PRKN: variants seen among roughly 807,000 people sequenced by gnomAD.
The protein encoded by PRKN is E3 ubiquitin-protein ligase parkin.
Under a neutral mutation model 59.5 loss-of-function variants are expected in PRKN, and 56 were observed. The ratio of observed to expected loss-of-function variants is 0.94; its 90% CI spans 0.76 to 1.18. The LOEUF (loss-of-function observed/expected upper bound fraction) is 1.18, where lower values mean the gene tolerates loss of function less well. Ranked by LOEUF, PRKN falls within the 50% of genes most tolerant of loss-of-function variation. The pLI is 0.00. For missense variants in PRKN, 657 were observed against 596.4 expected (o/e 1.10, Z -1.06); for synonymous variants, 250 against 222.1 (o/e 1.13, Z -1.12).
At chr6:161,433,035 C>A (rs896695709) in intron 9 of PRKN, among the ~76,000 whole-genome samples, 7 of 152,058 alleles carry the variant, frequency 4.6e-5, no homozygotes, top group Non-Finnish European at 8.8e-5. Context: ...AATACTTTTG[C>A]TTCTAATTCT....
chr6:162,271,369 T>C (rs1780384376), intron 2 of PRKN: 1 of 151,802 alleles, frequency 6.6e-6, no homozygotes, highest in Non-Finnish European at 1.5e-5. Flanking sequence ...GAAACCCGTG[T>C]CTACTAAAAA....
chr6:162,568,544 G>A, intron 1 of PRKN: 1 of 777,314 alleles, frequency 1.3e-6, no homozygotes, highest in East Asian at 2.5e-5. Context: ...ACCTGGAGGT[G>A]GACCCCAACA....
rs61368267 is a variant in PRKN, at chr6:162,271,016, G to GTTTT, written c.172-8255_172-8252dup. 2.5e-3 allele frequency among the ~76,000 whole-genome samples: 275 copies of GTTTT among 108,236 alleles called. 1 individual carries two copies. The highest frequency in any genetic ancestry group is 4.6e-3 in the African/African-American group (119 of 26,004). The allele number at this position is 108,236 out of a possible 152,430, so 71.0% of individuals were successfully genotyped here. A position where few individuals can be genotyped will look rare whatever the true frequency, so the allele number is the denominator to read the frequency against. On this transcript the variant is annotated intron_variant, in intron 2 of 11. Coordinates refer to ENST00000366898, the MANE Select transcript of PRKN (RefSeq NM_004562.3). ...GCCACTACACCTAGCTAATTTTCTA[G>GTTTT]TTTTTTTTTTTTTTTTTTTTTGTAG...
At chr6:161,824,558 T>C (rs1792163155) in intron 6 of PRKN, among the ~76,000 whole-genome samples, 1 of 152,318 alleles carries the variant, frequency 6.6e-6, no homozygotes, top group African/African-American at 2.4e-5. Flanking sequence ...GATCATGTCT[T>C]ACTGTATCGG....
At chr6:162,018,770 C>A (rs1783023249) in intron 5 of PRKN, among the ~76,000 whole-genome samples, 1 of 152,104 alleles carries the variant, frequency 6.6e-6, no homozygotes, top group Non-Finnish European at 1.5e-5. Flanking sequence ...AGCTCTCTAC[C>A]ATTAAATAAA....
rs370631500 is a variant in PRKN, at chr6:162,535,345, T to A, written c.8-91872A>T. Among the ~76,000 whole-genome samples the A allele has an allele frequency of 2.4e-4, 37 of 152,248 alleles. 1 individual carries two copies. The East Asian group carries it at 2.5e-3, about 10-fold the overall frequency. ...TTCAGATAACTTTTAGAGTCCCTGG[T>A]TCCTATTATAATACTTAATATTTTG... On this transcript the variant is annotated intron_variant, in intron 1 of 11. Transcript: ENST00000366898.
In PRKN at chr6:161,541,837, A is replaced by C. The variant is rs762085285; in HGVS notation, c.1083+7017T>G. ...CTCCGTCTCAAAAAGAAAAAAAAAA[A>C]ACAGTATAATTATTTCATATTTACC... On this transcript the variant is annotated intron_variant, in intron 9 of 11. Transcript: ENST00000366898. Among the ~76,000 whole-genome samples, 150 of 152,338 alleles carry C rather than the reference A, an allele frequency of 9.8e-4. 1 individual carries two copies. Among genetic ancestry groups the C allele is most frequent in the Admixed American group, 1.0e-3 (16 of 15,308 alleles).
At chr6:161,732,600 C>T (rs371051864) in intron 7 of PRKN, among the ~76,000 whole-genome samples, 1 of 151,972 alleles carries the variant, frequency 6.6e-6, no homozygotes. Context: ...CAAAGAAATA[C>T]CTACTCAAAA....
intron 6 of PRKN, among the ~76,000 whole-genome samples, chr6:161,909,891 G>C (rs763910339): frequency 2.6e-5 from 4 of 152,210 alleles, no homozygotes; most frequent in Non-Finnish European, 5.9e-5. Context: ...TAGTGCAATA[G>C]TGAAATAGTA....
At chr6:162,179,443 AGCCACCGGCAGCTGCTGTGTTTCCT>A (rs1783691840) in intron 4 of PRKN, among the ~76,000 whole-genome samples, 2 of 152,114 alleles carry the variant, frequency 1.3e-5, no homozygotes, top group Admixed American at 1.3e-4. Flanking sequence ...CTGACTGCAG[AGCCACCGGCAGCTGCTGTGTTTCCT>A]CATTTCCTCT....
At chr6:161,829,401 T>C (rs1337818185) in intron 6 of PRKN, among the ~76,000 whole-genome samples, 1 of 152,182 alleles carries the variant, frequency 6.6e-6, no homozygotes, top group Non-Finnish European at 1.5e-5. Context: ...GACAGTTTTG[T>C]TTTGTTTTTT....
chr6:161,776,575 A>G (rs77378936), intron 7 of PRKN, among the ~76,000 whole-genome samples: 5,932 of 152,244 alleles, frequency 0.039, 381 homozygotes, highest in African/African-American at 0.13. Context: ...TGCCCACCCC[A>G]GAGTAGTTCT....
At chr6:161,953,182 G>A (rs1780049889) in intron 6 of PRKN, among the ~76,000 whole-genome samples, 1 of 152,162 alleles carries the variant, frequency 6.6e-6, no homozygotes, top group South Asian at 2.1e-4. Flanking sequence ...TGTGATCTCA[G>A]CTCACTGCAA....
Position 162,069,611 on chromosome 6 carries a change from G to A in PRKN, c.535-15437C>T, listed in dbSNP as rs553771393. Among the ~76,000 whole-genome samples, 574 of 152,262 alleles carry A rather than the reference G, an allele frequency of 3.8e-3. 1 individual carries two copies. The highest frequency in any genetic ancestry group is 0.013 in the African/African-American group (543 of 41,552). On this transcript the variant is annotated intron_variant, in intron 4 of 11. Coordinates refer to ENST00000366898, the MANE Select transcript of PRKN (RefSeq NM_004562.3). ...CCCTATGATTTCTTAGAGCAAGAACGTATTATAGAAGCAGTTAACTAAAAG... is the reference window on the plus strand; with the variant it reads ...CCCTATGATTTCTTAGAGCAAGAACATATTATAGAAGCAGTTAACTAAAAG...
chr6:162,689,161 C>G lies in PRKN; in HGVS notation c.7+38501G>C, dbSNP rs548037178. 1.1e-4 allele frequency among the ~76,000 whole-genome samples: 17 copies of G among 152,316 alleles called. No homozygotes were observed. In the South Asian group the frequency reaches 3.5e-3, roughly 32 times the overall value. ...TCGTACAGAGCACACTGCTCTCATT[C>G]CTACAAGGGCTCTGCAACCCTGTGG... On this transcript the variant is annotated intron_variant, in intron 1 of 11. Transcript: ENST00000366898.
chr6:162,713,723 A>G (rs968572917), intron 1 of PRKN, among the ~76,000 whole-genome samples: 1 of 152,120 alleles, frequency 6.6e-6, no homozygotes, highest in Non-Finnish European at 1.5e-5. Flanking sequence ...TTTGTCTGTT[A>G]GCTATACTTA....
At chr6:161,789,447 T>C (rs73785411) in intron 6 of PRKN, among the ~76,000 whole-genome samples, 1,920 of 152,274 alleles carry the variant, frequency 0.013, 49 homozygotes, top group African/African-American at 0.043. Flanking sequence ...TTCTTCTAGT[T>C]CCTGTACACC....
At chr6:162,544,005 T>C (rs965191698) in intron 1 of PRKN, among the ~76,000 whole-genome samples, 2 of 152,192 alleles carry the variant, frequency 1.3e-5, no homozygotes, top group African/African-American at 4.8e-5. Flanking sequence ...TGCAGCTTAT[T>C]GCAATCATTT....
intron 5 of PRKN, among the ~76,000 whole-genome samples, chr6:162,011,926 T>C (rs1159659237): frequency 6.6e-6 from 1 of 151,870 alleles, no homozygotes; most frequent in East Asian, 1.9e-4. Flanking sequence ...AATTGATGGA[T>C]AGCAGAGATT....
Sources: allele counts gnomAD v4.1 joint callset (sites outside exome capture counted in the v4.1 genomes callset), GRCh38; gene constraint gnomAD v4.1.1; transcripts MANE v1.5; gene names NCBI Gene and HGNC (gene_info 2026-07-23, HGNC 2026-07-21).